Variants in TSPAN9 observed in about 807,000 individuals in gnomAD.
TSPAN9 encodes tetraspanin-9.
Under a neutral mutation model 31.0 loss-of-function variants are expected in TSPAN9, and 16 were observed. The ratio of observed to expected loss-of-function variants is 0.52; its 90% CI spans 0.35 to 0.78. The LOEUF (loss-of-function observed/expected upper bound fraction) is 0.78, where lower values mean the gene tolerates loss of function less well. Among genes scored for constraint, TSPAN9 ranks in the 30% least tolerant of loss-of-function variants. TSPAN9 has a pLI of 0.01. For missense variants in TSPAN9, 272 were observed against 312.5 expected, an observed-to-expected ratio of 0.87 and a Z score of 0.98; for synonymous variants, 145 against 121.6, an observed-to-expected ratio of 1.19 and a Z score of -1.27.
intron 3 of TSPAN9, among the ~76,000 whole-genome samples, chr12:3,223,360 C>T (rs1049108779): frequency 8.5e-5 from 13 of 152,260 alleles, no homozygotes; most frequent in Admixed American, 2.0e-4. Flanking sequence ...GAGATCGTCA[C>T]GAATGGATTT....
rs868605386 is a variant in TSPAN9 at position 3,244,089 on chromosome 12, C to T, written c.64-34332C>T. ...TAGGAGCAGGGCCTGTCTGGGAGCA[C>T]TTTGTCCCCCACAGTGGACTCCAGG... On this transcript the variant is annotated intron_variant, in intron 3 of 8. Transcript: ENST00000011898. Among the ~76,000 whole-genome samples the T allele has an allele frequency of 3.9e-5, 6 of 152,310 alleles. No individual in the cohort carries two copies. In the Middle Eastern group the frequency reaches 0.01, roughly 259 times the overall value.
At chr12:3,196,663 A>G (rs2098367228) in intron 2 of TSPAN9, among the ~76,000 whole-genome samples, 1 of 152,164 alleles carries the variant, frequency 6.6e-6, no homozygotes, top group Admixed American at 6.5e-5. Context: ...ACTTCACTAC[A>G]GCTTTGCTCA....
At chr12:3,262,717 C>T (rs1289170031) in intron 3 of TSPAN9, among the ~76,000 whole-genome samples, 3 of 151,596 alleles carry the variant, frequency 2.0e-5, no homozygotes, top group African/African-American at 7.3e-5. Context: ...CCGCGCACAG[C>T]TCCGCTCGTT....
intron 2 of TSPAN9, among the ~76,000 whole-genome samples, chr12:3,102,498 G>A (rs564943432): frequency 6.7e-6 from 1 of 148,908 alleles, no homozygotes. Flanking sequence ...GCAGTGGCGC[G>A]ATCTCAGCTC....
chr12:3,281,398 T>C (rs957788380), intron 7 of TSPAN9, 69 bp downstream of exon 7: 21 of 1,451,384 alleles, frequency 1.4e-5, no homozygotes, highest in African/African-American at 1.3e-4. Flanking sequence ...GGGAGCCCTA[T>C]AGGGGAGGCT....
At chr12:3,101,933 G>A (rs987374282) in intron 2 of TSPAN9, among the ~76,000 whole-genome samples, 2 of 152,088 alleles carry the variant, frequency 1.3e-5, no homozygotes, top group Admixed American at 6.5e-5. Context: ...CTGTTCATCC[G>A]CTCCTTTCTC....
chr12:3,219,892 C>T (rs923096335), intron 3 of TSPAN9, among the ~76,000 whole-genome samples: 5 of 149,764 alleles, frequency 3.3e-5, no homozygotes, highest in East Asian at 3.9e-4. Context: ...CTGTGGCCCA[C>T]GCCGGTAATC....
chr12:3,191,933 C>T (rs761613133), intron 2 of TSPAN9, among the ~76,000 whole-genome samples: 2 of 152,080 alleles, frequency 1.3e-5, no homozygotes, highest in Non-Finnish European at 2.9e-5. Flanking sequence ...TGGGGGGCAG[C>T]CAGAAAACTA....
intron 2 of TSPAN9, among the ~76,000 whole-genome samples, chr12:3,162,264 C>A (rs1408425182): frequency 6.6e-6 from 1 of 152,214 alleles, no homozygotes; most frequent in African/African-American, 2.4e-5. Context: ...AGCAGATGCT[C>A]AGACATCAGA....
Position 3,155,605 on chromosome 12 carries a change from AAAAAT to A in TSPAN9, c.-17-45568_-17-45564del, listed in dbSNP as rs552846987. 2.7e-3 allele frequency among the ~76,000 whole-genome samples: 407 copies of A among 151,920 alleles called. 3 individuals are homozygous for A. The highest frequency in any genetic ancestry group is 0.017 in the Middle Eastern group (5 of 292). On this transcript the variant is annotated intron_variant, in intron 2 of 8. Transcript: ENST00000011898. The stretch of plus-strand genomic sequence containing the variant: ...CAAGACCCTGTCTCTTTAAAAAAAA[AAAAAT>A]AAAGAGGGAGCGAGAGCAAGACCAC...
At position 3,280,504 on chromosome 12, in the gene TSPAN9, G is replaced by C; in HGVS notation, c.432+21G>C. ...CTGAGGTGCGGGCTGGGCCGCCCTGGTGGGGCCAGGCAGGGAGGAGGGGTG... is the reference window on the plus strand; with the variant it reads ...CTGAGGTGCGGGCTGGGCCGCCCTGCTGGGGCCAGGCAGGGAGGAGGGGTG... On this transcript the variant is annotated intron_variant, in intron 6 of 8. Transcript: ENST00000011898. The surrounding 1 kb of genome is among the most constrained non-coding windows in gnomAD (Gnocchi z 4.5). 2 of 1,605,850 alleles carry C rather than the reference G, an allele frequency of 1.2e-6. No homozygotes were observed. Among genetic ancestry groups the C allele is most frequent in the Non-Finnish European group, 1.7e-6 (2 of 1,177,644 alleles).
At chr12:3,244,324 A>G (rs2098398190) in intron 3 of TSPAN9, among the ~76,000 whole-genome samples, 1 of 152,006 alleles carries the variant, frequency 6.6e-6, no homozygotes, top group Non-Finnish European at 1.5e-5. Context: ...CTGGACCTCC[A>G]AAGCCCTTCA....
At chr12:3,278,770 C>T (rs1170137236) in intron 4 of TSPAN9, among the ~76,000 whole-genome samples, 158 bp downstream of exon 4, 1 of 152,212 alleles carries the variant, frequency 6.6e-6, no homozygotes, top group Non-Finnish European at 1.5e-5. Context: ...CACCCCTCCT[C>T]CTCATGGTTG....
intron 2 of TSPAN9, among the ~76,000 whole-genome samples, chr12:3,098,912 C>T (rs1017943194): frequency 8.6e-5 from 13 of 151,938 alleles, no homozygotes; most frequent in Non-Finnish European, 1.9e-4. Context: ...ATCACCACGC[C>T]CGGCTAATTT....
intron 3 of TSPAN9, among the ~76,000 whole-genome samples, chr12:3,265,750 G>A (rs1032691464): frequency 3.3e-5 from 5 of 152,148 alleles, no homozygotes; most frequent in Admixed American, 2.0e-4. Flanking sequence ...GAAATTTGTC[G>A]AACATGTTTG....
At chr12:3,086,771 CCTT>C (rs2098300726) in intron 2 of TSPAN9, among the ~76,000 whole-genome samples, 1 of 152,156 alleles carries the variant, frequency 6.6e-6, no homozygotes, top group Admixed American at 6.5e-5. Context: ...GAAAAATGGC[CCTT>C]CTTCAGGTTA....
intron 3 of TSPAN9, among the ~76,000 whole-genome samples, chr12:3,252,854 C>T (rs888662314): frequency 6.6e-6 from 1 of 152,102 alleles, no homozygotes; most frequent in Admixed American, 6.5e-5. Context: ...CCTTGAGGGC[C>T]GGTGGACATC....
At chr12:3,089,761 A>G (rs1266816946) in intron 2 of TSPAN9, among the ~76,000 whole-genome samples, 2 of 151,444 alleles carry the variant, frequency 1.3e-5, no homozygotes, top group African/African-American at 4.9e-5. Context: ...AAATTAAAAA[A>G]CGTAGCCAGG....
intron 2 of TSPAN9, among the ~76,000 whole-genome samples, chr12:3,124,213 C>T (rs2098326355): frequency 6.6e-6 from 1 of 152,116 alleles, no homozygotes; most frequent in Non-Finnish European, 1.5e-5. Flanking sequence ...CCATTTATGT[C>T]TAGAGTTGCA....
Sources: allele counts gnomAD v4.1 joint callset (sites outside exome capture counted in the v4.1 genomes callset), GRCh38; gene constraint gnomAD v4.1.1; non-coding constraint Gnocchi (gnomAD v3.1); transcripts MANE v1.5; gene names NCBI Gene and HGNC (gene_info 2026-07-23, HGNC 2026-07-21).